The following EHBP1 variants were observed in gnomAD, a reference collection of about 807,000 sequenced individuals.
EHBP1 encodes EH domain-binding protein 1.
In EHBP1, 55 loss-of-function variants were observed where a neutral mutation model predicts 144.0. The ratio of observed to expected loss-of-function variants is 0.38; its 90% confidence interval spans 0.31 to 0.48. The LOEUF is 0.48. Among genes scored for constraint, EHBP1 ranks in the 20% least tolerant of loss-of-function variants. The pLI is 0.98. For synonymous variants in EHBP1, 469 were observed against 472.7 expected (o/e 0.99, Z 0.10); for missense variants, 1,200 against 1,364.2 (o/e 0.88, Z 1.90).
At chr2:62,880,806 G>T (rs1573873424) in intron 10 of EHBP1, among the ~76,000 whole-genome samples, 1 of 152,138 alleles carries the variant, frequency 6.6e-6, no homozygotes, top group Non-Finnish European at 1.5e-5. Context: ...CTGCTGGTGG[G>T]AATGTAAAAT....
intron 10 of EHBP1, among the ~76,000 whole-genome samples, chr2:62,879,039 C>T (rs2051138113): frequency 2.0e-5 from 3 of 150,198 alleles, no homozygotes; most frequent in Non-Finnish European, 3.0e-5. Context: ...AAACAAAAAA[C>T]TACATGTTTA....
chr2:62,845,090 CTT>C (rs374451812), intron 7 of EHBP1, among the ~76,000 whole-genome samples: 3 of 144,750 alleles, frequency 2.1e-5, no homozygotes, highest in African/African-American at 7.5e-5. Context: ...AGCAGATTAT[CTT>C]TTTTTTTTTT....
At chr2:62,930,110 A>G (rs575637659) in intron 10 of EHBP1, among the ~76,000 whole-genome samples, 4 of 152,202 alleles carry the variant, frequency 2.6e-5, no homozygotes, top group African/African-American at 7.2e-5. Context: ...TTAGCCAAGC[A>G]TGGTGGCATG....
At chr2:62,842,245 C>G (rs1265983973) in intron 7 of EHBP1, among the ~76,000 whole-genome samples, 1 of 152,092 alleles carries the variant, frequency 6.6e-6, no homozygotes, top group African/African-American at 2.4e-5. Context: ...TGCCACCACA[C>G]TCAGCTAATT....
At position 62,948,520 on chromosome 2, in the gene EHBP1, G is replaced by A; in HGVS notation, c.1674G>A (p.Arg558=). The part of the protein sequence containing the change: ...KFYAELSDLK[R]EPELQQPISG... ...ATGCAGAGCTTAGTGATCTGAAGCG[G>A]GAGCCTGAACTACAACAGCCTATCA... Residue 558 remains arginine (R), a synonymous_variant, in exon 13 of 23, where the codon CGG becomes CGA. Transcript: ENST00000431489. The A allele has an allele frequency of 6.2e-7, 1 of 1,614,094 alleles. No homozygotes were observed.
chr2:62,921,264 A>G (rs2055055242), intron 10 of EHBP1, among the ~76,000 whole-genome samples: 1 of 151,954 alleles, frequency 6.6e-6, no homozygotes, highest in South Asian at 2.1e-4. Context: ...TGGGCAACAT[A>G]GCGAAACCCC....
At chr2:62,881,339 C>T (rs1472239948) in intron 10 of EHBP1, among the ~76,000 whole-genome samples, 1 of 147,328 alleles carries the variant, frequency 6.8e-6, no homozygotes, top group Non-Finnish European at 1.5e-5. Flanking sequence ...ACCAGTCCCC[C>T]ATGACACACA....
intron 19 of EHBP1, among the ~76,000 whole-genome samples, chr2:62,998,198 C>T (rs1393838111): frequency 2.0e-5 from 3 of 152,094 alleles, no homozygotes; most frequent in African/African-American, 4.8e-5. Flanking sequence ...TCTTGCTACA[C>T]CAGAATATGT....
At chr2:62,899,694 C>T (rs1222607287) in intron 10 of EHBP1, among the ~76,000 whole-genome samples, 1 of 152,224 alleles carries the variant, frequency 6.6e-6, no homozygotes, top group East Asian at 1.9e-4. Flanking sequence ...TGGTTCCTAA[C>T]TGCTAAATCA....
intron 5 of EHBP1, among the ~76,000 whole-genome samples, chr2:62,791,252 T>C (rs1481680299): frequency 6.6e-6 from 1 of 152,060 alleles, no homozygotes; most frequent in Non-Finnish European, 1.5e-5. Flanking sequence ...CTTCAAATAG[T>C]TCTAGAAAAA....
chr2:63,044,789 GT>G, intron 21 of EHBP1: 1 of 265,742 alleles, frequency 3.8e-6, no homozygotes, highest in Non-Finnish European at 7.2e-6. Context: ...CTGGATTCAG[GT>G]GCGCACCTCA....
At chr2:62,776,794 T>C (rs2042082923) in intron 5 of EHBP1, among the ~76,000 whole-genome samples, 13 of 152,254 alleles carry the variant, frequency 8.5e-5, no homozygotes, top group Admixed American at 8.5e-4. Context: ...GTTTCATTTT[T>C]ATCTACTGTA....
chr2:62,724,070 C>T (rs78330415), intron 2 of EHBP1, among the ~76,000 whole-genome samples: 12 of 152,252 alleles, frequency 7.9e-5, no homozygotes, highest in African/African-American at 2.4e-4. Context: ...ATACGTTTTC[C>T]GAGTTGCTTA....
intron 19 of EHBP1, among the ~76,000 whole-genome samples, chr2:63,032,129 A>C (rs1157086968): frequency 6.6e-6 from 1 of 152,074 alleles, no homozygotes; most frequent in Non-Finnish European, 1.5e-5. Flanking sequence ...AGATATACCT[A>C]ATGTAAATGA....
intron 10 of EHBP1, among the ~76,000 whole-genome samples, chr2:62,900,236 A>G (rs2053285309): frequency 6.6e-6 from 1 of 152,204 alleles, no homozygotes; most frequent in East Asian, 1.9e-4. Context: ...TTACTCTAAA[A>G]TTACATCATT....
At chr2:62,795,054 T>A (rs1372303131) in intron 5 of EHBP1, among the ~76,000 whole-genome samples, 1 of 151,514 alleles carries the variant, frequency 6.6e-6, no homozygotes, top group Non-Finnish European at 1.5e-5. Flanking sequence ...AAAAAAAAAA[T>A]CAAATCTGTT....
intron 2 of EHBP1, among the ~76,000 whole-genome samples, chr2:62,730,930 GAC>G (rs2037525869): frequency 1.3e-5 from 2 of 149,826 alleles, no homozygotes; most frequent in South Asian, 4.3e-4. Context: ...TAGAGAGAGA[GAC>G]AGAGATAGAA....
At chr2:62,853,385 T>G (rs1284420269) in intron 7 of EHBP1, among the ~76,000 whole-genome samples, 1 of 152,214 alleles carries the variant, frequency 6.6e-6, no homozygotes, top group East Asian at 1.9e-4. Flanking sequence ...CCTCATCCTT[T>G]CAGGTTTTAT....
At chr2:62,782,391 G>A (rs976503769) in intron 5 of EHBP1, among the ~76,000 whole-genome samples, 1 of 152,164 alleles carries the variant, frequency 6.6e-6, no homozygotes, top group Non-Finnish European at 1.5e-5. Context: ...AGAGGTATCT[G>A]ACAGTTTCTA....
Sources: allele counts gnomAD v4.1 joint callset (sites outside exome capture counted in the v4.1 genomes callset), GRCh38; gene constraint gnomAD v4.1.1; transcripts MANE v1.5; gene names NCBI Gene and HGNC (gene_info 2026-07-23, HGNC 2026-07-21).